The following RNF220 variants were observed in gnomAD, a reference collection of about 807,000 sequenced individuals.
The protein encoded by RNF220 is ring finger protein 220.
A neutral mutation model predicts 67.1 loss-of-function variants in RNF220; 7 were observed. The observed-to-expected ratio is 0.10, with a 90% CI of 0.06 to 0.20. The LOEUF (loss-of-function observed/expected upper bound fraction) is 0.20, where lower values mean the gene tolerates loss of function less well. Among genes scored for constraint, RNF220 ranks in the 10% least tolerant of loss-of-function variants. The pLI is 1.00. For missense variants in RNF220, 565 were observed against 740.3 expected (o/e 0.76, Z 2.75); for synonymous variants, 270 against 283.2 (o/e 0.95, Z 0.47).
chr1:44,500,390 C>G (rs1280747730), intron 2 of RNF220, among the ~76,000 whole-genome samples: 1 of 152,158 alleles, frequency 6.6e-6, no homozygotes, highest in Non-Finnish European at 1.5e-5. Flanking sequence ...AACACACCCC[C>G]GCTGCCACCC....
Position 44,412,467 on chromosome 1 carries a change from G to T in RNF220, c.370G>T (p.Ala124Ser), listed in dbSNP as rs1466428700. Residue 124 changes from alanine to serine, a missense_variant, in exon 2 of 15, where the codon GCC becomes TCC. By Grantham distance (99) the Ala-to-Ser change is moderately conservative. Coordinates refer to ENST00000361799, the MANE Select transcript of RNF220 (RefSeq NM_018150.4). This position sits in a 1 kb window ranked among gnomAD's most constrained non-coding sequence, Gnocchi z 5.3. The part of the protein sequence containing the change: ...HSGVGAFRPF[A>S]STEDRESYQS... ...TGGTGTGGGGGCTTTCCGGCCCTTT[G>T]CCTCCACCGAGGACCGGGAGAGCTA... 1 of 1,611,370 alleles carries T rather than the reference G, an allele frequency of 6.2e-7. No homozygotes were observed. Among genetic ancestry groups the T allele is most frequent in the Admixed American group, 1.7e-5 (1 of 59,936 alleles).
At chr1:44,436,346 G>A (rs1359547610) in intron 2 of RNF220, among the ~76,000 whole-genome samples, 1 of 152,030 alleles carries the variant, frequency 6.6e-6, no homozygotes, top group Non-Finnish European at 1.5e-5. Flanking sequence ...CAGTTTTAGG[G>A]GGGGTAATAT....
rs906708304 is a variant in RNF220, at chr1:44,645,866, C to T, written c.1445+378C>T. On this transcript the variant is annotated intron_variant, in intron 12 of 14. Coordinates refer to ENST00000361799, the MANE Select transcript of RNF220 (RefSeq NM_018150.4). This position sits in a 1 kb window ranked among gnomAD's most constrained non-coding sequence, Gnocchi z 5.0. ...TAAATTGGTTTCATTTTTCTTGTCC[C>T]GGGTGGCACTCGCAGTGGATTTTAG... 3.3e-5 allele frequency among the ~76,000 whole-genome samples: 5 copies of T among 152,182 alleles called. No homozygotes were observed. Among genetic ancestry groups the T allele is most frequent in the African/African-American group, 9.7e-5 (4 of 41,442 alleles).
intron 2 of RNF220, among the ~76,000 whole-genome samples, chr1:44,578,369 T>C (rs1163108921): frequency 6.6e-6 from 1 of 151,992 alleles, no homozygotes; most frequent in Admixed American, 6.6e-5. Context: ...AGGCTGGTCT[T>C]GAACTCTGGC....
chr1:44,538,403 T>C (rs1166283304), intron 2 of RNF220, among the ~76,000 whole-genome samples: 1 of 152,210 alleles, frequency 6.6e-6, no homozygotes, highest in Non-Finnish European at 1.5e-5. Flanking sequence ...TGTCATTTTC[T>C]TCTTAGTTGC....
intron 12 of RNF220, among the ~76,000 whole-genome samples, chr1:44,646,380 C>T (rs1289852388): frequency 6.6e-6 from 1 of 152,252 alleles, no homozygotes; most frequent in East Asian, 1.9e-4. Flanking sequence ...CGGCCGGGGC[C>T]GCGAGTGCTG....
At position 44,650,508 on chromosome 1, in the gene RNF220, T is replaced by A. The variant is rs1573207062; in HGVS notation, c.1630-196T>A. 2 of 607,202 alleles carry A rather than the reference T, an allele frequency of 3.3e-6. No individual in the cohort carries two copies. The highest frequency in any genetic ancestry group is 5.9e-6 in the Non-Finnish European group (2 of 340,108). The allele number at this position is 607,202 out of a possible 1,614,324, so 37.6% of individuals were successfully genotyped here. A position where few individuals can be genotyped will look rare whatever the true frequency, so the allele number is the denominator to read the frequency against. On this transcript the variant is annotated intron_variant, in intron 14 of 14. Transcript: ENST00000361799. This position sits in a 1 kb window ranked among gnomAD's most constrained non-coding sequence, Gnocchi z 4.3. The stretch of plus-strand genomic sequence containing the variant: ...TCCTGCTGCGGGGCTGGCCAGGCGG[T>A]TTGATCCTGGCGTCCCCCCAACACA...
At chr1:44,557,565 G>A (rs894373633) in intron 2 of RNF220, among the ~76,000 whole-genome samples, 144 of 148,766 alleles carry the variant, frequency 9.7e-4, no homozygotes, top group Non-Finnish European at 1.0e-3. Context: ...ATATTCACTC[G>A]TTCATTCATT....
rs1573204065 is a variant in RNF220 at position 44,649,788 on chromosome 1, A to AG, written c.1554+23dup. 6.2e-7 allele frequency: 1 copy of AG among 1,613,706 alleles called. No homozygotes were observed. The highest frequency in any genetic ancestry group is 8.5e-7 in the Non-Finnish European group (1 of 1,179,700). On this transcript the variant is annotated intron_variant, in intron 13 of 14. Coordinates refer to ENST00000361799, the MANE Select transcript of RNF220 (RefSeq NM_018150.4). This position sits in a 1 kb window ranked among gnomAD's most constrained non-coding sequence, Gnocchi z 5.9. ...CTGCATGGTGAGTAGAAAAGAACCTAGGGGTGCCCTTGGTCAGGCTTCCAC... is the reference window on the plus strand; with the variant it reads ...CTGCATGGTGAGTAGAAAAGAACCTAGGGGGTGCCCTTGGTCAGGCTTCCAC...
chr1:44,542,488 G>A (rs1242754049), intron 2 of RNF220, among the ~76,000 whole-genome samples: 1 of 152,244 alleles, frequency 6.6e-6, no homozygotes, highest in African/African-American at 2.4e-5. Context: ...CTACCACAGA[G>A]ATGGCTGGGG....
rs1441142981 is a variant in RNF220 at position 44,622,747 on chromosome 1, A to T, written c.764A>T (p.Asn255Ile). The T allele has an allele frequency of 1.9e-6, 3 of 1,613,882 alleles. No homozygotes were observed. The highest frequency in any genetic ancestry group is 2.5e-6 in the Non-Finnish European group (3 of 1,179,920). The change falls in exon 4 of 15, where the codon AAT (asparagine) becomes ATT (isoleucine). Residue 255 changes from asparagine (N) to isoleucine (I), a missense_variant. Physicochemically the swap from Asn to Ile is moderately radical, Grantham distance 149. Transcript: ENST00000361799. This position sits in a 1 kb window ranked among gnomAD's most constrained non-coding sequence, Gnocchi z 4.3. ...EQLAQLPSSK[N>I]SLLKDAMAPG... ...GTTCTCTTCTTTCTTGGCAGCAAGA[A>T]TTCCCTTCTGAAGGATGCCATGGCT... is the stretch of plus-strand genomic sequence containing the variant.
intron 2 of RNF220, among the ~76,000 whole-genome samples, chr1:44,613,763 A>G (rs980626193): frequency 3.9e-5 from 6 of 152,094 alleles, no homozygotes; most frequent in Admixed American, 2.6e-4. Flanking sequence ...TGTAATCCCA[A>G]CTACTCAGGA....
chr1:44,518,273 A>C (rs749677437), intron 2 of RNF220, among the ~76,000 whole-genome samples: 11 of 152,228 alleles, frequency 7.2e-5, no homozygotes, highest in Non-Finnish European at 1.6e-4. Context: ...AAAAAATAAA[A>C]AAATAAGCCA....
At chr1:44,442,780 G>T (rs1651700783) in intron 2 of RNF220, among the ~76,000 whole-genome samples, 1 of 152,086 alleles carries the variant, frequency 6.6e-6, no homozygotes, top group Admixed American at 6.6e-5. Flanking sequence ...GCCTCCCCAA[G>T]TGTTGGGATT....
chr1:44,446,795 G>A (rs1050120885), intron 2 of RNF220, among the ~76,000 whole-genome samples: 9 of 152,246 alleles, frequency 5.9e-5, no homozygotes, highest in African/African-American at 2.2e-4. Flanking sequence ...CTGACCTCGT[G>A]ATCTGCCCAC....
At chr1:44,635,747 G>A in intron 7 of RNF220, 159 bp downstream of exon 7, 1 of 1,473,480 alleles carries the variant, frequency 6.8e-7, no homozygotes. Flanking sequence ...GAATCTGTGG[G>A]CTCTTGGGGT....
intron 2 of RNF220, among the ~76,000 whole-genome samples, chr1:44,437,904 C>G (rs1376025388): frequency 6.6e-6 from 1 of 152,128 alleles, no homozygotes; most frequent in East Asian, 1.9e-4. Flanking sequence ...CCTTCATTTT[C>G]TCATCTGTAA....
chr1:44,493,373 G>A (rs1657029105), intron 2 of RNF220, among the ~76,000 whole-genome samples: 1 of 152,096 alleles, frequency 6.6e-6, no homozygotes, highest in Admixed American at 6.5e-5. Context: ...AATTAGCCAG[G>A]CATGGTGGCG....
intron 2 of RNF220, among the ~76,000 whole-genome samples, chr1:44,594,004 G>A (rs537444127): frequency 2.0e-5 from 3 of 151,516 alleles, no homozygotes; most frequent in East Asian, 4.0e-4. Flanking sequence ...AGAATCGCTT[G>A]AGCCTGGGAG....
Sources: allele counts gnomAD v4.1 joint callset (sites outside exome capture counted in the v4.1 genomes callset), GRCh38; gene constraint gnomAD v4.1.1; non-coding constraint Gnocchi (gnomAD v3.1); transcripts MANE v1.5; gene names NCBI Gene and HGNC (gene_info 2026-07-23, HGNC 2026-07-21).